Variants in WWOX observed in about 807,000 individuals in gnomAD.
WWOX encodes WW domain containing oxidoreductase, also known as WW domain-containing oxidoreductase.
Under a neutral mutation model 46.2 loss-of-function variants are expected in WWOX, and 69 were observed. The observed-to-expected ratio is 1.49, with a 90% CI of 1.23 to 1.82. The LOEUF (loss-of-function observed/expected upper bound fraction) is 1.82, where lower values mean the gene tolerates loss of function less well. Ranked by LOEUF, WWOX falls within the 40% of genes most tolerant of loss-of-function variation. The probability of loss-of-function intolerance (pLI) is 0.00; values close to 1 mark genes in which losing one functional copy is unlikely to be tolerated. For synonymous variants in WWOX, 359 were observed against 202.6 expected, an observed-to-expected ratio of 1.77 and a Z score of -6.56; for missense variants, 919 against 542.6, an observed-to-expected ratio of 1.69 and a Z score of -6.89.
At chr16:78,568,367 G>A (rs1161987984) in intron 8 of WWOX, among the ~76,000 whole-genome samples, 1 of 151,506 alleles carries the variant, frequency 6.6e-6, no homozygotes, top group Non-Finnish European at 1.5e-5. Context: ...AACCGTGGCA[G>A]TACTCAGACC....
intron 8 of WWOX, among the ~76,000 whole-genome samples, chr16:79,106,983 G>A (rs1051292409): frequency 1.3e-5 from 2 of 151,760 alleles, no homozygotes; most frequent in Non-Finnish European, 2.9e-5. Context: ...ACGAATTTTT[G>A]TATTGTTAGT....
intron 8 of WWOX, among the ~76,000 whole-genome samples, chr16:79,148,940 T>C (rs2050228507): frequency 6.6e-6 from 1 of 152,188 alleles, no homozygotes; most frequent in East Asian, 1.9e-4. Context: ...TTAGTTTTTT[T>C]GAGATTTCTT....
intron 8 of WWOX, among the ~76,000 whole-genome samples, chr16:78,657,334 G>T (rs920099085): frequency 6.6e-6 from 1 of 152,134 alleles, no homozygotes; most frequent in Non-Finnish European, 1.5e-5. Flanking sequence ...ATGAGGTGGG[G>T]GGAAGGGGAC....
At chr16:78,108,923 G>A (rs2032321457) in intron 2 of WWOX, among the ~76,000 whole-genome samples, 1 of 152,208 alleles carries the variant, frequency 6.6e-6, no homozygotes, top group Admixed American at 6.5e-5. Context: ...AGGAGCTGGA[G>A]GTTGCAGTGA....
At chr16:78,880,603 G>C (rs994947294) in intron 8 of WWOX, among the ~76,000 whole-genome samples, 5 of 152,182 alleles carry the variant, frequency 3.3e-5, no homozygotes, top group African/African-American at 1.2e-4. Flanking sequence ...TTGGAATCCA[G>C]CCAAAATGCC....
At chr16:78,124,662 C>G (rs1044508949) in intron 4 of WWOX, among the ~76,000 whole-genome samples, 4 of 152,210 alleles carry the variant, frequency 2.6e-5, no homozygotes, top group Non-Finnish European at 5.9e-5. Flanking sequence ...TCAGTCTACA[C>G]AAGCCTAACT....
intron 8 of WWOX, chr16:78,895,214 C>G (rs554825132): frequency 1.3e-5 from 2 of 152,160 alleles, no homozygotes; most frequent in Non-Finnish European, 2.9e-5. Flanking sequence ...TCTGGGCTTA[C>G]CCAGTTAACA....
At chr16:78,565,313 C>G (rs547411791) in intron 8 of WWOX, among the ~76,000 whole-genome samples, 1 of 152,298 alleles carries the variant, frequency 6.6e-6, no homozygotes, top group Non-Finnish European at 1.5e-5. Flanking sequence ...TCAGTCTCAC[C>G]TGGTCAAGAT....
chr16:78,686,972 A>G (rs758989504), intron 8 of WWOX, among the ~76,000 whole-genome samples: 1 of 152,240 alleles, frequency 6.6e-6, no homozygotes, highest in Non-Finnish European at 1.5e-5. Flanking sequence ...GTTAAGTGGA[A>G]CATCACGATC....
chr16:78,334,898 C>G (rs1015544369), intron 5 of WWOX, among the ~76,000 whole-genome samples: 21 of 138,432 alleles, frequency 1.5e-4, no homozygotes, highest in Non-Finnish European at 2.8e-4. Flanking sequence ...GAAAATTAAA[C>G]TCATTGAGGA....
intron 8 of WWOX, among the ~76,000 whole-genome samples, chr16:78,632,893 C>T (rs896177417): frequency 6.6e-6 from 1 of 151,910 alleles, no homozygotes; most frequent in South Asian, 2.1e-4. Flanking sequence ...GCCTCTCCAC[C>T]CCTGCTACGT....
chr16:78,416,377 C>T (rs969995747), intron 6 of WWOX, among the ~76,000 whole-genome samples: 1 of 152,132 alleles, frequency 6.6e-6, no homozygotes, highest in Non-Finnish European at 1.5e-5. Flanking sequence ...ACAATTAAAA[C>T]AAAGTCAAGC....
intron 8 of WWOX, among the ~76,000 whole-genome samples, chr16:78,576,851 G>A (rs1041447529): frequency 6.6e-6 from 1 of 152,076 alleles, no homozygotes; most frequent in South Asian, 2.1e-4. Context: ...TGCTGCCTTG[G>A]GTATCTTAAT....
chr16:78,099,987 G>T, intron 1 of WWOX, 102 bp downstream of exon 1: 2 of 1,513,766 alleles, frequency 1.3e-6, no homozygotes, highest in Non-Finnish European at 1.8e-6. Flanking sequence ...AGCGCGTGCG[G>T]TGCAAAGTGA....
intron 8 of WWOX, among the ~76,000 whole-genome samples, chr16:78,636,156 G>T (rs930394981): frequency 2.6e-5 from 4 of 152,120 alleles, no homozygotes; most frequent in Non-Finnish European, 5.9e-5. Flanking sequence ...ATAAAAGGTA[G>T]TATATTATAA....
chr16:78,604,061 T>A (rs1465136965), intron 8 of WWOX, among the ~76,000 whole-genome samples: 2 of 152,140 alleles, frequency 1.3e-5, no homozygotes, highest in Non-Finnish European at 2.9e-5. Flanking sequence ...GTAGGATCGC[T>A]TGAGCCCGGG....
intron 8 of WWOX, among the ~76,000 whole-genome samples, chr16:78,478,764 G>T (rs762592024): frequency 6.6e-6 from 1 of 152,184 alleles, no homozygotes; most frequent in African/African-American, 2.4e-5. Flanking sequence ...CAGCAATCTA[G>T]CAGTTCAAAC....
intron 5 of WWOX, among the ~76,000 whole-genome samples, chr16:78,325,945 G>T (rs886178509): frequency 3.3e-5 from 5 of 152,214 alleles, no homozygotes; most frequent in African/African-American, 9.6e-5. Flanking sequence ...CTGGTGCTCA[G>T]CACATACAAC....
At chr16:78,607,196 C>T (rs999811880) in intron 8 of WWOX, among the ~76,000 whole-genome samples, 4 of 151,950 alleles carry the variant, frequency 2.6e-5, no homozygotes, top group Admixed American at 6.6e-5. Context: ...TAAAATACTT[C>T]ATATTTTATT....
Sources: allele counts gnomAD v4.1 joint callset (sites outside exome capture counted in the v4.1 genomes callset), GRCh38; gene constraint gnomAD v4.1.1; transcripts MANE v1.5; gene names NCBI Gene and HGNC (gene_info 2026-07-23, HGNC 2026-07-21).